CCDC14: variants seen among roughly 807,000 people sequenced by gnomAD.
The protein encoded by CCDC14 is coiled-coil domain containing 14.
Under a neutral mutation model 81.4 loss-of-function variants are expected in CCDC14, and 71 were observed. The ratio of observed to expected loss-of-function variants is 0.87; its 90% CI spans 0.72 to 1.06. CCDC14 has a LOEUF of 1.06. CCDC14 is among the 50% of genes least tolerant of loss of function. The probability of loss-of-function intolerance (pLI) is 0.00; values close to 1 mark genes in which losing one functional copy is unlikely to be tolerated. For synonymous variants in CCDC14, 332 were observed against 364.8 expected (o/e 0.91, Z 1.03); for missense variants, 1,046 against 1,047.3 (o/e 1.00, Z 0.02).
chr3:123,918,716 G>GT (rs1414484119), intron 12 of CCDC14, among the ~76,000 whole-genome samples: 1 of 152,144 alleles, frequency 6.6e-6, no homozygotes, highest in African/African-American at 2.4e-5. Flanking sequence ...GCCCACTTCT[G>GT]TATTACCCCA....
chr3:123,929,554 C>G (rs1214942698), intron 12 of CCDC14, among the ~76,000 whole-genome samples: 1 of 152,142 alleles, frequency 6.6e-6, no homozygotes, highest in African/African-American at 2.4e-5. Flanking sequence ...CCACCCACCT[C>G]GGCCTCCCAA....
At chr3:123,912,240 C>T (rs890085431), downstream of CCDC14, among the ~76,000 whole-genome samples, 11 of 152,122 alleles carry the variant, frequency 7.2e-5, no homozygotes, top group South Asian at 4.1e-4. Flanking sequence ...TCTACTAATA[C>T]GCTTTTTGCA....
the CCDC14 span, among the ~76,000 whole-genome samples, chr3:123,891,936 G>A: frequency 6.6e-6 from 1 of 152,184 alleles, no homozygotes; most frequent in Non-Finnish European, 1.5e-5. Context: ...TCATGGCTGG[G>A]GAGGCCTCAC....
At chr3:123,948,039 G>A (rs1276797219) in intron 7 of CCDC14, among the ~76,000 whole-genome samples, 2 of 151,922 alleles carry the variant, frequency 1.3e-5, no homozygotes, top group Admixed American at 1.3e-4. Flanking sequence ...ATTTTAAAAG[G>A]AAAGCAAATG....
Position 123,948,918 on chromosome 3 carries a change from T to C in CCDC14, c.567A>G (p.Pro189=), listed in dbSNP as rs778662399. 5 of 1,613,752 alleles carry C rather than the reference T, an allele frequency of 3.1e-6. No individual in the cohort carries two copies. The Admixed American group carries it at 5.0e-5, about 16-fold the overall frequency. The change falls in exon 6 of 13, where the codon CCA becomes CCG. Residue 189 remains proline (P), a synonymous_variant. Coordinates refer to ENST00000409697, the MANE Select transcript of CCDC14 (RefSeq NM_001366335.1). ...KNIPNGIPAV[P]CHAPSHSESQ... ...CACCAGAATGAGAGGGAGCATGGCA[T>C]GGTACAGCAGGAATTCCATTAGGGA...
downstream of CCDC14, among the ~76,000 whole-genome samples, chr3:123,892,817 T>A (rs2034009507): frequency 6.6e-6 from 1 of 152,186 alleles, no homozygotes; most frequent in Non-Finnish European, 1.5e-5. Flanking sequence ...TAACCATTTT[T>A]TTTTTGAGAC....
chr3:123,914,868 C>T lies in CCDC14; in HGVS notation c.2629G>A (p.Glu877Lys). The T allele has an allele frequency of 6.2e-7, 1 of 1,612,342 alleles. No individual in the cohort carries two copies. The highest frequency in any genetic ancestry group is 1.1e-5 in the South Asian group (1 of 90,688). Residue 877 changes from glutamate to lysine, a missense_variant, in exon 13 of 13, where the codon GAA becomes AAA. Coordinates refer to ENST00000409697, the MANE Select transcript of CCDC14 (RefSeq NM_001366335.1). ...SSFSTFTSRD[E>K]QDFRNGLAAL... The stretch of plus-strand genomic sequence containing the variant: ...GCAAGGCCATTTCTGAAGTCTTGTT[C>T]ATCACGAGAAGTGAACGTTGAAAAC...
chr3:123,895,536 A>T (rs2034048002), downstream of CCDC14, among the ~76,000 whole-genome samples: 1 of 152,164 alleles, frequency 6.6e-6, no homozygotes, highest in Non-Finnish European at 1.5e-5. Context: ...AACAAAACAG[A>T]ACAAAACAAA....
Position 123,913,640 on chromosome 3 carries a change from T to C in CCDC14, c.*1139A>G. 1.0e-6 allele frequency: 1 copy of C among 981,852 alleles called. No individual in the cohort carries two copies. The highest frequency in any genetic ancestry group is 1.2e-6 in the Non-Finnish European group (1 of 829,088). The allele number at this position is 981,852 out of a possible 1,614,324, so 60.8% of individuals were successfully genotyped here. A position where few individuals can be genotyped will look rare whatever the true frequency, so the allele number is the denominator to read the frequency against. On this transcript the variant is annotated 3_prime_UTR_variant, in exon 13 of 13. Coordinates refer to ENST00000409697, the MANE Select transcript of CCDC14 (RefSeq NM_001366335.1). ...CTGAACATATCAAAGAGACTACAGC[T>C]GGCTCCTTCAAACGCTGTAGCACTA...
At chr3:123,933,364 G>A (rs1234325963) in intron 10 of CCDC14, among the ~76,000 whole-genome samples, 1 of 152,176 alleles carries the variant, frequency 6.6e-6, no homozygotes, top group African/African-American at 2.4e-5. Flanking sequence ...TATGTACAGT[G>A]TGATCTCATT....
intron 12 of CCDC14, among the ~76,000 whole-genome samples, chr3:123,926,346 G>A (rs1016632919): frequency 6.6e-6 from 1 of 151,740 alleles, no homozygotes; most frequent in African/African-American, 2.4e-5. Flanking sequence ...ATATATTGGT[G>A]TTTCTATTAT....
intron 1 of CCDC14, chr3:123,957,225 T>G (rs1034136973): frequency 1.3e-5 from 2 of 152,134 alleles, no homozygotes; most frequent in African/African-American, 4.8e-5. Context: ...ATTCATATAT[T>G]AAATTTCTTT....
Position 123,914,642 on chromosome 3 carries a change from C to T in CCDC14, c.*137G>A, listed in dbSNP as rs1364442290. The T allele has an allele frequency of 5.1e-6, 7 of 1,375,666 alleles. No homozygotes were observed. Among genetic ancestry groups the T allele is most frequent in the Non-Finnish European group, 6.6e-6 (7 of 1,066,728 alleles). 85.2% of individuals were successfully genotyped at this position (1,375,666 alleles called of 1,614,324 possible). A position where few individuals can be genotyped will look rare whatever the true frequency, so the allele number is the denominator to read the frequency against. ...GCTCCTCAGTGTCAATATATCTCAACAATACATTTATTACTTGTACAATAT... is the reference window on the plus strand; with the variant it reads ...GCTCCTCAGTGTCAATATATCTCAATAATACATTTATTACTTGTACAATAT... On this transcript the variant is annotated 3_prime_UTR_variant, in exon 13 of 13. Transcript: ENST00000409697.
intron 5 of CCDC14, among the ~76,000 whole-genome samples, chr3:123,903,788 A>G (rs2034237856): frequency 1.1e-5 from 1 of 91,626 alleles, no homozygotes; most frequent in Non-Finnish European, 2.5e-5. Context: ...CTGACAGACA[A>G]AATGTAGGTC....
chr3:123,941,446 C>A (rs1324274373), intron 9 of CCDC14, among the ~76,000 whole-genome samples: 1 of 151,868 alleles, frequency 6.6e-6, no homozygotes, highest in Non-Finnish European at 1.5e-5. Context: ...AAAAATACTT[C>A]TTTAAAAATT....
intron 9 of CCDC14, among the ~76,000 whole-genome samples, chr3:123,934,591 G>A (rs2700386): frequency 0.12 from 18,315 of 152,014 alleles, 2,659 homozygotes; most frequent in East Asian, 0.35. Flanking sequence ...CTTAAGTAAC[G>A]AGAATATTAA....
At chr3:123,935,204 A>G (rs2035988909) in intron 9 of CCDC14, among the ~76,000 whole-genome samples, 1 of 152,160 alleles carries the variant, frequency 6.6e-6, no homozygotes, top group Non-Finnish European at 1.5e-5. Context: ...TAACATGAAG[A>G]ATTGCAAATT....
intron 1 of CCDC14, among the ~76,000 whole-genome samples, chr3:123,959,447 C>A (rs1303183565): frequency 1.3e-5 from 2 of 152,156 alleles, no homozygotes; most frequent in African/African-American, 4.8e-5. Flanking sequence ...AATGTCTATT[C>A]AAATCCTTTT....
At chr3:123,894,878 G>A (rs970965279), downstream of CCDC14, among the ~76,000 whole-genome samples, 12 of 152,144 alleles carry the variant, frequency 7.9e-5, no homozygotes, top group African/African-American at 2.7e-4. Context: ...AGGAGCCTGA[G>A]CTGGTCAGTT....
Sources: gnomAD v4.1 joint callset for allele counts (sites outside exome capture counted in the v4.1 genomes callset) on GRCh38, gnomAD v4.1.1 for gene constraint, MANE v1.5 for transcripts, NCBI Gene and HGNC (gene_info 2026-07-23, HGNC 2026-07-21) for gene names.